Variants in EFCAB6 observed in about 807,000 individuals in gnomAD.
EFCAB6 encodes the protein EF-hand calcium binding domain 6.
EFCAB6 carries 156 observed loss-of-function variants against 169.8 expected under a neutral mutation model. The observed-to-expected ratio is 0.92, with a 90% CI of 0.81 to 1.05. The LOEUF is 1.05. EFCAB6 is among the 50% of genes least tolerant of loss of function. The pLI is 0.00. For synonymous variants in EFCAB6, 698 were observed against 676.4 expected (o/e 1.03, Z -0.50); for missense variants, 1,800 against 1,829.1 (o/e 0.98, Z 0.29).
At chr22:43,807,376 T>A (rs1021021547) in intron 2 of EFCAB6, among the ~76,000 whole-genome samples, 1 of 152,166 alleles carries the variant, frequency 6.6e-6, no homozygotes, top group African/African-American at 2.4e-5. Context: ...AGGTAGAAAT[T>A]GGCAAGGATC....
At chr22:43,633,406 G>A (rs1444333017) in intron 18 of EFCAB6, among the ~76,000 whole-genome samples, 2 of 152,124 alleles carry the variant, frequency 1.3e-5, no homozygotes, top group African/African-American at 2.4e-5. Context: ...AAATTAGCTG[G>A]GTGTGGTGGT....
intron 26 of EFCAB6, among the ~76,000 whole-genome samples, chr22:43,561,320 G>A (rs1214477359): frequency 6.7e-6 from 1 of 149,974 alleles, no homozygotes; most frequent in Non-Finnish European, 1.5e-5. Flanking sequence ...TCGTGCTACT[G>A]CACTCCAGCC....
intron 17 of EFCAB6, 98 bp from the exon 18 acceptor site, chr22:43,635,314 C>T: frequency 3.4e-6 from 3 of 880,492 alleles, no homozygotes; most frequent in Non-Finnish European, 5.7e-6. Context: ...CACAGCAGGG[C>T]TCATGATTGT....
rs563972653 is a variant in EFCAB6 at position 43,570,616 on chromosome 22, T to TC, written c.3420+5680_3420+5681insG. Among the ~76,000 whole-genome samples, 12 of 151,454 alleles carry TC rather than the reference T, an allele frequency of 7.9e-5. No individual in the cohort carries two copies. In the South Asian group the frequency reaches 2.5e-3, roughly 32 times the overall value. On this transcript the variant is annotated intron_variant, in intron 26 of 31. Transcript: ENST00000262726. ...GTGCTGCCGTTTAGGTGTTCTCTTTTTTTTTTTTTTCCTGTTCGGCTTCTT... is the reference window on the plus strand; with the variant it reads ...GTGCTGCCGTTTAGGTGTTCTCTTTTCTTTTTTTTTTCCTGTTCGGCTTCTT...
At chr22:43,745,548 C>A (rs1377143273) in intron 6 of EFCAB6, among the ~76,000 whole-genome samples, 1 of 152,154 alleles carries the variant, frequency 6.6e-6, no homozygotes, top group Non-Finnish European at 1.5e-5. Context: ...GAGACTGAGT[C>A]CCAAGGGGAG....
At chr22:43,607,555 G>C (rs1286712946) in intron 22 of EFCAB6, among the ~76,000 whole-genome samples, 1 of 152,188 alleles carries the variant, frequency 6.6e-6, no homozygotes, top group East Asian at 1.9e-4. Context: ...AGTCTAACTG[G>C]ACCCTGTGTT....
intron 5 of EFCAB6, among the ~76,000 whole-genome samples, chr22:43,761,305 A>G (rs1397559148): frequency 6.6e-6 from 1 of 152,238 alleles, no homozygotes; most frequent in Non-Finnish European, 1.5e-5. Context: ...AGACTAAGAC[A>G]GGTATCTTTT....
At chr22:43,559,284 G>C (rs1436879964) in intron 26 of EFCAB6, among the ~76,000 whole-genome samples, 1 of 152,194 alleles carries the variant, frequency 6.6e-6, no homozygotes, top group Non-Finnish European at 1.5e-5. Context: ...CTGGTCATTA[G>C]AGAAATGCAA....
At chr22:43,682,636 C>T (rs1036421794) in intron 12 of EFCAB6, among the ~76,000 whole-genome samples, 2 of 152,152 alleles carry the variant, frequency 1.3e-5, no homozygotes, top group Non-Finnish European at 2.9e-5. Flanking sequence ...AAACCACTAT[C>T]TGGGTAGCCT....
rs557567525 is a variant in EFCAB6 at position 43,735,749 on chromosome 22, G to A, written c.644+108C>T. 102 of 1,271,604 alleles carry A rather than the reference G, an allele frequency of 8.0e-5. 1 individual carries two copies. In the East Asian group the frequency reaches 2.0e-3, roughly 25 times the overall value. 78.8% of individuals were successfully genotyped at this position (1,271,604 alleles called of 1,614,324 possible). Reference sequence around the variant, plus strand: ...TTGAGAAATAAGGTGTGTGTGTGTGGCAGGGGGAGGTGAGAGATGGATGGA... The same window carrying A: ...TTGAGAAATAAGGTGTGTGTGTGTGACAGGGGGAGGTGAGAGATGGATGGA... On this transcript the variant is annotated intron_variant, in intron 7 of 31. Coordinates refer to ENST00000262726, the MANE Select transcript of EFCAB6 (RefSeq NM_022785.4).
intron 8 of EFCAB6, among the ~76,000 whole-genome samples, chr22:43,724,659 C>G (rs995687455): frequency 1.1e-4 from 16 of 152,054 alleles, no homozygotes; most frequent in Non-Finnish European, 2.2e-4. Flanking sequence ...CATGAGCCAC[C>G]GTGCCCTGCC....
At chr22:43,559,942 A>G (rs1232576903) in intron 26 of EFCAB6, among the ~76,000 whole-genome samples, 3 of 152,182 alleles carry the variant, frequency 2.0e-5, no homozygotes, top group African/African-American at 4.8e-5. Context: ...TGGCAGGTTG[A>G]TAAGTGTAGG....
chr22:43,626,980 T>G (rs567184287), intron 19 of EFCAB6, among the ~76,000 whole-genome samples: 52 of 152,292 alleles, frequency 3.4e-4, no homozygotes, highest in African/African-American at 1.2e-3. Context: ...TTGTGGAGCT[T>G]GTACTTCTAG....
intron 17 of EFCAB6, among the ~76,000 whole-genome samples, chr22:43,635,733 T>C (rs930685696): frequency 1.9e-4 from 29 of 152,172 alleles, no homozygotes; most frequent in Admixed American, 1.3e-3. Context: ...CTCCATATGC[T>C]AGTCCACTTG....
intron 26 of EFCAB6, among the ~76,000 whole-genome samples, chr22:43,567,130 GTCC>G (rs1483744021): frequency 7.5e-6 from 1 of 132,500 alleles, no homozygotes; most frequent in African/African-American, 2.9e-5. Context: ...CATCCTCCTC[GTCC>G]TCCTCATCAT....
intron 3 of EFCAB6, among the ~76,000 whole-genome samples, chr22:43,778,415 A>G (rs1342706322): frequency 6.6e-6 from 1 of 152,218 alleles, no homozygotes; most frequent in Non-Finnish European, 1.5e-5. Flanking sequence ...AATACAGGGA[A>G]CAAGAGCTCA....
chr22:43,763,835 A>T (rs765044418), intron 5 of EFCAB6, among the ~76,000 whole-genome samples: 3 of 152,084 alleles, frequency 2.0e-5, no homozygotes, highest in Non-Finnish European at 2.9e-5. Context: ...GCAGTGGCAC[A>T]ATCTTGGCTC....
chr22:43,530,870 AAC>A lies in EFCAB6; in HGVS notation c.4326_4327del (p.Phe1443GlnfsTer4). 1 of 1,614,204 alleles carries A rather than the reference AAC, an allele frequency of 6.2e-7. No individual in the cohort carries two copies. Among genetic ancestry groups the A allele is most frequent in the East Asian group, 2.2e-5 (1 of 44,884 alleles). Reference sequence around the variant, plus strand: ...TGTTCCAGCCTCATCATAGCTTTTGAACGTGCGCCGCATTGGCCTCCAGCAGT... The same window carrying A: ...TGTTCCAGCCTCATCATAGCTTTTGAGTGCGCCGCATTGGCCTCCAGCAGT... On this transcript the variant is annotated frameshift_variant, in exon 31 of 32. Coordinates refer to ENST00000262726, the MANE Select transcript of EFCAB6 (RefSeq NM_022785.4). LOFTEE classifies it high-confidence loss of function.
chr22:43,615,838 T>C lies in EFCAB6; in HGVS notation c.2550A>G (p.Ser850=), dbSNP rs1392034535. 6.2e-7 allele frequency: 1 copy of C among 1,613,368 alleles called. No homozygotes were observed. The highest frequency in any genetic ancestry group is 2.2e-5 in the East Asian group (1 of 44,858). The change falls in exon 21 of 32, where the codon TCA becomes TCG. Residue 850 remains serine, a synonymous_variant. Coordinates refer to ENST00000262726, the MANE Select transcript of EFCAB6 (RefSeq NM_022785.4). ...ATCATTTTCTTACCTTAGACAAGTC[T>C]GACCATCTGTTTTTTGCTTTGGTAA... ...YLVTKAKNRW[S]DLSKNFLETD...
Sources: gnomAD v4.1 joint callset for allele counts (sites outside exome capture counted in the v4.1 genomes callset) on GRCh38, gnomAD v4.1.1 for gene constraint, MANE v1.5 for transcripts, NCBI Gene and HGNC (gene_info 2026-07-23, HGNC 2026-07-21) for gene names.